USP3: variants seen among roughly 807,000 people sequenced by gnomAD.
The protein encoded by USP3 is ubiquitin carboxyl-terminal hydrolase 3.
In USP3, 20 loss-of-function variants were observed where a neutral mutation model predicts 72.3. The ratio of observed to expected loss-of-function variants is 0.28; its 90% CI spans 0.19 to 0.40. The LOEUF (loss-of-function observed/expected upper bound fraction) is 0.40. USP3 is among the 10% of genes least tolerant of loss of function. The pLI is 1.00. For synonymous variants in USP3, 222 were observed against 225.3 expected, an observed-to-expected ratio of 0.99 and a Z score of 0.13; for missense variants, 479 against 633.9, an observed-to-expected ratio of 0.76 and a Z score of 2.62.
intron 4 of USP3, among the ~76,000 whole-genome samples, chr15:63,554,007 T>A (rs1392721122): frequency 6.6e-6 from 1 of 152,196 alleles, no homozygotes; most frequent in Admixed American, 6.5e-5. Flanking sequence ...ATTTAATATT[T>A]GTCATAAACC....
At chr15:63,504,851 G>A (rs1161853524) in intron 1 of USP3, 21 bp downstream of exon 1, 1 of 1,564,330 alleles carries the variant, frequency 6.4e-7, no homozygotes, top group South Asian at 1.2e-5. Flanking sequence ...CCACGGGCCG[G>A]CCCCGCAGCG....
chr15:63,535,837 T>C (rs1436376178), intron 2 of USP3, among the ~76,000 whole-genome samples: 7 of 152,234 alleles, frequency 4.6e-5, no homozygotes. Flanking sequence ...TGCCTCATGA[T>C]GAAAATGTCA....
chr15:63,513,835 T>C lies in USP3; in HGVS notation c.91+9005T>C, dbSNP rs888821868. On this transcript the variant is annotated intron_variant, in intron 1 of 14. Transcript: ENST00000380324. ...TGGAATGTTTCCCTGAGATAATCGA[T>C]GGATGACATGTTAGAAAAATGTTCT... Among the ~76,000 whole-genome samples, 107 of 152,356 alleles carry C rather than the reference T, an allele frequency of 7.0e-4. 1 individual carries two copies. Among genetic ancestry groups the C allele is most frequent in the African/African-American group, 2.5e-3 (105 of 41,574 alleles).
intron 2 of USP3, among the ~76,000 whole-genome samples, chr15:63,534,632 T>A (rs1250694266): frequency 6.6e-6 from 1 of 152,194 alleles, no homozygotes; most frequent in Non-Finnish European, 1.5e-5. Context: ...ACATTGCTAA[T>A]CTTAATATCA....
At chr15:63,559,312 A>ACAT (rs1009959685) in intron 6 of USP3, among the ~76,000 whole-genome samples, 1 of 152,230 alleles carries the variant, frequency 6.6e-6, no homozygotes, top group Non-Finnish European at 1.5e-5. Context: ...TTTTAATGAG[A>ACAT]CATCAAAGGC....
chr15:63,525,458 G>A (rs1303830983), intron 1 of USP3, among the ~76,000 whole-genome samples: 1 of 152,196 alleles, frequency 6.6e-6, no homozygotes, highest in African/African-American at 2.4e-5. Flanking sequence ...GTTGGGGCTG[G>A]GGAGACATCA....
intron 1 of USP3, among the ~76,000 whole-genome samples, chr15:63,514,737 T>C (rs542094768): frequency 1.3e-5 from 2 of 152,296 alleles, no homozygotes; most frequent in Admixed American, 6.5e-5. Context: ...TCCTTAAATA[T>C]ATACGAGTCT....
chr15:63,542,459 A>G (rs886626333), intron 3 of USP3, among the ~76,000 whole-genome samples: 2 of 152,064 alleles, frequency 1.3e-5, no homozygotes, highest in African/African-American at 4.8e-5. Context: ...CAATTTTACT[A>G]AATAAAATAC....
rs770483417 is a variant in USP3 at position 63,528,422 on chromosome 15, C to G, written c.92-4225C>G. Among the ~76,000 whole-genome samples, 1 of 152,018 alleles carries G rather than the reference C, an allele frequency of 6.6e-6. No homozygotes were observed. Among genetic ancestry groups the G allele is most frequent in the Non-Finnish European group, 1.5e-5 (1 of 68,016 alleles). ...TCCCAGACTTAACTTTTTAAGCCTT[C>G]ACAAGTGTCTATCCTTATCACCCTT... On this transcript the variant is annotated intron_variant, in intron 1 of 14. Transcript: ENST00000380324. The surrounding 1 kb of genome is among the most constrained non-coding windows in gnomAD (Gnocchi z 4.3).
chr15:63,572,754 T>C (rs2066800198), intron 9 of USP3, among the ~76,000 whole-genome samples: 4 of 152,146 alleles, frequency 2.6e-5, no homozygotes, highest in Admixed American at 2.6e-4. Context: ...AAAAAGAGCG[T>C]GTATTGGCTC....
intron 3 of USP3, among the ~76,000 whole-genome samples, chr15:63,545,015 A>G (rs1021435601): frequency 2.6e-5 from 4 of 152,164 alleles, no homozygotes; most frequent in Non-Finnish European, 4.4e-5. Context: ...TTGAGAGTGT[A>G]TAGAAAGAAA....
At chr15:63,511,339 T>G (rs2065779199) in intron 1 of USP3, among the ~76,000 whole-genome samples, 1 of 147,182 alleles carries the variant, frequency 6.8e-6, no homozygotes, top group Non-Finnish European at 1.5e-5. Flanking sequence ...AAATACAAAA[T>G]GTTTGGAACA....
At chr15:63,525,754 A>G (rs2065973141) in intron 1 of USP3, among the ~76,000 whole-genome samples, 1 of 152,210 alleles carries the variant, frequency 6.6e-6, no homozygotes, top group Admixed American at 6.5e-5. Context: ...TTCATTTGGA[A>G]GGTAAGTTAG....
At chr15:63,548,343 G>A (rs2066384565) in intron 3 of USP3, among the ~76,000 whole-genome samples, 1 of 150,908 alleles carries the variant, frequency 6.6e-6, no homozygotes, top group South Asian at 2.1e-4. Context: ...TTTTTTGGGG[G>A]GGGACAGAGT....
At position 63,532,334 on chromosome 15, in the gene USP3, G is replaced by A. The variant is rs192620051; in HGVS notation, c.92-313G>A. Reference sequence around the variant, plus strand: ...TTTTTTAATAGGAAAATAGACTGTCGTTAACTTGTCAGAGACTGTAGCAAA... The same window carrying A: ...TTTTTTAATAGGAAAATAGACTGTCATTAACTTGTCAGAGACTGTAGCAAA... On this transcript the variant is annotated intron_variant, in intron 1 of 14. Transcript: ENST00000380324. Among the ~76,000 whole-genome samples the A allele has an allele frequency of 9.2e-5, 14 of 152,248 alleles. No individual in the cohort carries two copies. In the East Asian group the frequency reaches 2.3e-3, roughly 25 times the overall value.
At chr15:63,556,780 G>C in intron 5 of USP3, 32 bp downstream of exon 5, 1 of 1,410,350 alleles carries the variant, frequency 7.1e-7, no homozygotes, top group Non-Finnish European at 9.7e-7. Flanking sequence ...AAATATAAGA[G>C]TTAGTTGAGA....
At chr15:63,565,360 C>T (rs749779765) in intron 8 of USP3, among the ~76,000 whole-genome samples, 15 of 152,054 alleles carry the variant, frequency 9.9e-5, no homozygotes, top group Non-Finnish European at 2.1e-4. Flanking sequence ...AAGTTTTGAC[C>T]TTTTCCAACA....
chr15:63,582,583 T>G (rs1426385541), intron 11 of USP3, among the ~76,000 whole-genome samples: 1 of 152,190 alleles, frequency 6.6e-6, no homozygotes. Context: ...TGGTATCTCA[T>G]GTGGTCTTAG....
chr15:63,526,532 T>A (rs2065984213), intron 1 of USP3, among the ~76,000 whole-genome samples: 1 of 152,346 alleles, frequency 6.6e-6, no homozygotes, highest in Non-Finnish European at 1.5e-5. Flanking sequence ...GATGTTTCCT[T>A]ATGGGTTGCT....
Sources: gnomAD v4.1 joint callset for allele counts (sites outside exome capture counted in the v4.1 genomes callset) on GRCh38, gnomAD v4.1.1 for gene constraint, Gnocchi (gnomAD v3.1) non-coding constraint, MANE v1.5 for transcripts, NCBI Gene and HGNC (gene_info 2026-07-23, HGNC 2026-07-21) for gene names.